NR2C1: variants seen among roughly 807,000 people sequenced by gnomAD.
NR2C1 encodes nuclear receptor subfamily 2 group C member 1.
Under a neutral mutation model 74.8 loss-of-function variants are expected in NR2C1, and 33 were observed. That is an observed-to-expected ratio of 0.44 (90% confidence interval 0.33 to 0.59). The LOEUF is 0.59. Ranked by LOEUF, NR2C1 falls within the 20% of genes least tolerant of loss-of-function variation. The pLI is 0.02. For synonymous variants in NR2C1, 225 were observed against 240.6 expected, an observed-to-expected ratio of 0.94 and a Z score of 0.60; for missense variants, 568 against 715.6, an observed-to-expected ratio of 0.79 and a Z score of 2.35.
chr12:95,039,265 A>C (rs17023583), intron 10 of NR2C1, among the ~76,000 whole-genome samples: 18,051 of 152,240 alleles, frequency 0.12, 1,704 homozygotes, highest in African/African-American at 0.26. Flanking sequence ...GCCTTTATTC[A>C]ATTCTCTGTA....
chr12:95,030,547 G>A, intron 11 of NR2C1: 1 of 1,611,658 alleles, frequency 6.2e-7, no homozygotes, highest in East Asian at 2.2e-5. Context: ...ACCAGGGGTA[G>A]GAGTCCATAA....
At chr12:95,037,074 G>A (rs1183048448) in intron 10 of NR2C1, among the ~76,000 whole-genome samples, 4 of 152,258 alleles carry the variant, frequency 2.6e-5, no homozygotes, top group African/African-American at 2.4e-5. Flanking sequence ...TTTAATGGAA[G>A]GCTATTGATT....
At chr12:95,072,964 G>T (rs1021965682) in intron 1 of NR2C1, 1 of 152,254 alleles carries the variant, frequency 6.6e-6, no homozygotes, top group African/African-American at 2.4e-5. Context: ...CGTCTCACTC[G>T]TGCCGGCGTT....
intron 7 of NR2C1, among the ~76,000 whole-genome samples, chr12:95,053,681 GTTTTTTTTTT>G (rs550069594): frequency 0.056 from 5,796 of 103,458 alleles, 160 homozygotes; most frequent in Non-Finnish European, 0.082. Context: ...TCTTTTTGGT[GTTTTTTTTTT>G]TTTTTTTTTT....
intron 10 of NR2C1, among the ~76,000 whole-genome samples, chr12:95,034,935 A>T (rs1870624249): frequency 6.6e-6 from 1 of 152,210 alleles, no homozygotes; most frequent in Admixed American, 6.5e-5. Context: ...ACACATGCCT[A>T]TACTAACATG....
rs147284847 is a variant in NR2C1 at position 95,028,785 on chromosome 12, G to A, written c.1394-261C>T. On this transcript the variant is annotated intron_variant, in intron 11 of 13. Coordinates refer to ENST00000333003, the MANE Select transcript of NR2C1 (RefSeq NM_003297.4). ...GCTGGGACTAGAGGCGCATGCCACC[G>A]CGCCCAGCTAATTTTTGTATTTTTT... Among the ~76,000 whole-genome samples, 1,254 of 151,796 alleles carry A rather than the reference G, an allele frequency of 8.3e-3. 24 individuals are homozygous for A. The highest frequency in any genetic ancestry group is 6.9e-3 in the African/African-American group (284 of 41,410).
chr12:95,044,587 T>TA (rs931922204), intron 9 of NR2C1, among the ~76,000 whole-genome samples: 15 of 152,084 alleles, frequency 9.9e-5, no homozygotes, highest in African/African-American at 2.7e-4. Flanking sequence ...ATATAGCTTT[T>TA]AAAAAATCAC....
chr12:95,061,384 G>A (rs1035295212), intron 3 of NR2C1, among the ~76,000 whole-genome samples: 6 of 152,128 alleles, frequency 3.9e-5, no homozygotes, highest in Non-Finnish European at 8.8e-5. Context: ...GTGTATTTAC[G>A]GGGGAGTAAT....
intron 9 of NR2C1, among the ~76,000 whole-genome samples, chr12:95,047,953 G>A (rs1872515284): frequency 6.6e-6 from 1 of 152,222 alleles, no homozygotes; most frequent in Non-Finnish European, 1.5e-5. Context: ...AGCCTTAAAA[G>A]TAATGGCAAA....
In NR2C1 at chr12:95,058,150, T is replaced by TA. The variant is rs1874199635; in HGVS notation, c.544+159dup. ...AGGTATTCAATAAATATTAGTTGAA[T>TA]AAATAAAAAAGTACATACGTAGGTC... On this transcript the variant is annotated intron_variant, in intron 5 of 13. Coordinates refer to ENST00000333003, the MANE Select transcript of NR2C1 (RefSeq NM_003297.4). 28 of 670,584 alleles carry TA rather than the reference T, an allele frequency of 4.2e-5. 1 individual carries two copies. The South Asian group carries it at 6.8e-4, about 16-fold the overall frequency. The allele number at this position is 670,584 out of a possible 1,614,324, so 41.5% of individuals were successfully genotyped here. A position where few individuals can be genotyped will look rare whatever the true frequency, so the allele number is the denominator to read the frequency against.
At chr12:95,036,663 A>T (rs1212890831) in intron 10 of NR2C1, among the ~76,000 whole-genome samples, 2 of 152,022 alleles carry the variant, frequency 1.3e-5, no homozygotes, top group Non-Finnish European at 2.9e-5. Flanking sequence ...GGCAGCTGCC[A>T]CCATGCCTGG....
Position 95,025,624 on chromosome 12 carries a change from C to T in NR2C1, c.1532-369G>A, listed in dbSNP as rs1193689174. ...TGTGAGCCGAGACAGCGCCATTGCA[C>T]TCCAGCCTGGGCAACAAGAGTGAAA... On this transcript the variant is annotated intron_variant, in intron 12 of 13. Coordinates refer to ENST00000333003, the MANE Select transcript of NR2C1 (RefSeq NM_003297.4). 4.2e-5 allele frequency among the ~76,000 whole-genome samples: 6 copies of T among 141,302 alleles called. No homozygotes were observed. The Admixed American group carries it at 4.5e-4, about 11-fold the overall frequency. 92.7% of individuals were successfully genotyped at this position (141,302 alleles called of 152,430 possible).
At chr12:95,059,784 C>T (rs869275950) in intron 4 of NR2C1, 122 bp downstream of exon 4, 1 of 683,848 alleles carries the variant, frequency 1.5e-6, no homozygotes, top group Non-Finnish European at 2.3e-6. Context: ...CGACATACTC[C>T]TTTATTTCTC....
At chr12:95,053,978 T>C (rs146288898) in intron 7 of NR2C1, among the ~76,000 whole-genome samples, 1,575 of 152,224 alleles carry the variant, frequency 0.01, 4 homozygotes, top group Admixed American at 0.015. Flanking sequence ...CCACTGTGCC[T>C]GGCCCTTTTT....
chr12:95,061,733 C>T (rs1303756321), intron 3 of NR2C1, among the ~76,000 whole-genome samples: 1 of 151,962 alleles, frequency 6.6e-6, no homozygotes, highest in African/African-American at 2.4e-5. Context: ...TAAGTAGACC[C>T]CCTTCAAAAA....
intron 8 of NR2C1, chr12:95,049,479 T>C (rs1385780047): frequency 1.5e-5 from 5 of 337,588 alleles, no homozygotes; most frequent in Non-Finnish European, 2.1e-5. Context: ...TATTTTCATA[T>C]AATAATATGT....
chr12:95,029,633 C>A (rs928314386), intron 11 of NR2C1, among the ~76,000 whole-genome samples: 1 of 150,440 alleles, frequency 6.6e-6, no homozygotes, highest in African/African-American at 2.4e-5. Flanking sequence ...TCTCGGCTCA[C>A]TGCAACCTCT....
chr12:95,023,608 C>T (rs1180486771), intron 13 of NR2C1, among the ~76,000 whole-genome samples: 1 of 152,190 alleles, frequency 6.6e-6, no homozygotes, highest in East Asian at 1.9e-4. Context: ...GTGCTTGCCA[C>T]TTACTGTCTC....
chr12:95,057,098 A>ATTTTTTTTT, intron 7 of NR2C1, among the ~76,000 whole-genome samples: 1 of 111,560 alleles, frequency 9.0e-6, no homozygotes, highest in East Asian at 2.3e-4. Flanking sequence ...AACATTTCTG[A>ATTTTTTTTT]TTTTTTTTTT....
Sources: allele counts gnomAD v4.1 joint callset (sites outside exome capture counted in the v4.1 genomes callset), GRCh38; gene constraint gnomAD v4.1.1; transcripts MANE v1.5; gene names NCBI Gene and HGNC (gene_info 2026-07-23, HGNC 2026-07-21).